The following TMEM132B variants were observed in gnomAD, a reference collection of about 807,000 sequenced individuals.
TMEM132B encodes the protein transmembrane protein 132B.
In TMEM132B, 18 loss-of-function variants were observed where a neutral mutation model predicts 90.8. The ratio of observed to expected loss-of-function variants is 0.20; its 90% CI spans 0.14 to 0.29. The LOEUF is 0.29. Among genes scored for constraint, TMEM132B ranks in the 10% least tolerant of loss-of-function variants. The pLI is 1.00. For missense variants in TMEM132B, 1,096 were observed against 1,326.8 expected (o/e 0.83, Z 2.70); for synonymous variants, 504 against 523.3 (o/e 0.96, Z 0.50).
At chr12:125,562,058 T>A (rs1884545995) in intron 4 of TMEM132B, among the ~76,000 whole-genome samples, 2 of 152,248 alleles carry the variant, frequency 1.3e-5, no homozygotes, top group Admixed American at 1.3e-4. Context: ...AGTATAGCCA[T>A]CTTCAAAGAT....
At chr12:125,591,427 A>T (rs929630820) in intron 5 of TMEM132B, among the ~76,000 whole-genome samples, 6 of 152,016 alleles carry the variant, frequency 3.9e-5, no homozygotes, top group Non-Finnish European at 5.9e-5. Context: ...TTCCATCATC[A>T]CATCGCCTTC....
chr12:125,480,064 A>G (rs1446799688), intron 3 of TMEM132B, among the ~76,000 whole-genome samples: 1 of 152,244 alleles, frequency 6.6e-6, no homozygotes, highest in East Asian at 1.9e-4. Context: ...AACTAATGAG[A>G]ATGAAGACAC....
At position 125,653,833 on chromosome 12, in the gene TMEM132B, T is replaced by G. The variant is rs754223340; in HGVS notation, c.2375T>G (p.Val792Gly). Reference protein sequence around the residue: ...VLAVGKGNVKVKFEPSSDEHQ... With the variant: ...VLAVGKGNVKGKFEPSSDEHQ... The stretch of plus-strand genomic sequence containing the variant: ...GCCGTGGGTAAAGGAAATGTCAAGG[T>G]CAAATTCGAACCAAGTAGTGATGAG... Residue 792 changes from valine to glycine, a missense_variant, in exon 9 of 9, where the codon GTC (valine) becomes GGC (glycine). By Grantham distance (109) the Val-to-Gly change is moderately radical (BLOSUM62 -3). Transcript: ENST00000682704. 29 of 1,613,796 alleles carry G rather than the reference T, an allele frequency of 1.8e-5. No homozygotes were observed. Among genetic ancestry groups the G allele is most frequent in the Non-Finnish European group, 8.5e-7 (1 of 1,180,014 alleles).
At chr12:125,495,646 T>C (rs1882542425) in intron 3 of TMEM132B, among the ~76,000 whole-genome samples, 1 of 152,232 alleles carries the variant, frequency 6.6e-6, no homozygotes, top group Admixed American at 6.5e-5. Flanking sequence ...GGAATCCTGG[T>C]TCCTGCTGGG....
At chr12:125,597,625 A>G (rs1235184695) in intron 5 of TMEM132B, among the ~76,000 whole-genome samples, 1 of 152,172 alleles carries the variant, frequency 6.6e-6, no homozygotes, top group East Asian at 1.9e-4. Context: ...TTTTTAAAGA[A>G]ATCACTCAAT....
At chr12:125,572,249 A>G (rs897927341) in intron 4 of TMEM132B, among the ~76,000 whole-genome samples, 1 of 152,342 alleles carries the variant, frequency 6.6e-6, no homozygotes, top group African/African-American at 2.4e-5. Context: ...CCCAAAATCC[A>G]TGCGTTGGAA....
rs1487656890 is a variant in TMEM132B at position 125,657,837 on chromosome 12, A to T, written c.*3127A>T. ...GTGAACTCTGTGGTCACATGAAGGGAGGTTCAGATGCTAGACGACCAGCGT... is the reference window on the plus strand; with the variant it reads ...GTGAACTCTGTGGTCACATGAAGGGTGGTTCAGATGCTAGACGACCAGCGT... On this transcript the variant is annotated 3_prime_UTR_variant, in exon 9 of 9. Transcript: ENST00000682704. 6.6e-6 allele frequency: 1 copy of T among 152,276 alleles called. No individual in the cohort carries two copies. The highest frequency in any genetic ancestry group is 1.5e-5 in the Non-Finnish European group (1 of 68,060). 9.4% of individuals were successfully genotyped at this position (152,276 alleles called of 1,614,324 possible). A position where few individuals can be genotyped will look rare whatever the true frequency, so the allele number is the denominator to read the frequency against.
intron 3 of TMEM132B, among the ~76,000 whole-genome samples, chr12:125,427,209 A>G (rs1210719776): frequency 1.3e-5 from 2 of 152,198 alleles, no homozygotes; most frequent in Non-Finnish European, 2.9e-5. Context: ...TGAGCAGTCT[A>G]TGCAAAGAGG....
chr12:125,485,432 T>A (rs1882175053), intron 3 of TMEM132B, among the ~76,000 whole-genome samples: 1 of 152,150 alleles, frequency 6.6e-6, no homozygotes. Flanking sequence ...CTACACAGTA[T>A]CACCACTATT....
chr12:125,628,988 A>G (rs1161627446), intron 5 of TMEM132B, among the ~76,000 whole-genome samples: 2 of 151,964 alleles, frequency 1.3e-5, no homozygotes, highest in African/African-American at 4.8e-5. Flanking sequence ...TGGGTCCTCT[A>G]TTCTGTTCCA....
rs760302643 is a variant in TMEM132B, at chr12:125,644,065, C to G, written c.1438-11C>G. 67 of 1,613,654 alleles carry G rather than the reference C, an allele frequency of 4.2e-5. 1 individual carries two copies. The highest frequency in any genetic ancestry group is 5.5e-5 in the Non-Finnish European group (65 of 1,179,680). On this transcript the variant is annotated splice_polypyrimidine_tract_variant and intron_variant, in intron 5 of 8. Transcript: ENST00000682704. Reference sequence around the variant, plus strand: ...ACTGATGCATCTCAAGGTTCTACCTCCTTCCCAAAGGTTTCCAACAACTGT... The same window carrying G: ...ACTGATGCATCTCAAGGTTCTACCTGCTTCCCAAAGGTTTCCAACAACTGT...
intron 1 of TMEM132B, among the ~76,000 whole-genome samples, chr12:125,313,012 C>T (rs182591952): frequency 3.2e-4 from 49 of 152,234 alleles, no homozygotes; most frequent in African/African-American, 6.7e-4. Context: ...GGATGTGGAC[C>T]GTGTGCATAA....
At chr12:125,304,706 C>CT (rs901252870) in intron 1 of TMEM132B, among the ~76,000 whole-genome samples, 1 of 152,112 alleles carries the variant, frequency 6.6e-6, no homozygotes, top group African/African-American at 2.4e-5. Flanking sequence ...TGCTGCTTGC[C>CT]TGTAGTCCCA....
rs1382496445 is a variant in TMEM132B, at chr12:125,209,483, G to A, written c.67+22617G>A. Among the ~76,000 whole-genome samples the A allele has an allele frequency of 6.6e-6, 1 of 152,236 alleles. No individual in the cohort carries two copies. The highest frequency in any genetic ancestry group is 1.5e-5 in the Non-Finnish European group (1 of 68,046). On this transcript the variant is annotated intron_variant, in intron 1 of 8. Coordinates refer to ENST00000682704, the MANE Select transcript of TMEM132B (RefSeq NM_001366854.1). The surrounding 1 kb of genome is among the most constrained non-coding windows in gnomAD (Gnocchi z 4.4). The stretch of plus-strand genomic sequence containing the variant: ...CCTGGTCACCTCAGGGGAGAAGGGT[G>A]TTGGCTCAGTCAGCCCTGCTTTGCT...
intron 5 of TMEM132B, among the ~76,000 whole-genome samples, chr12:125,626,971 T>G (rs897003377): frequency 1.3e-5 from 2 of 152,176 alleles, no homozygotes; most frequent in African/African-American, 4.8e-5. Context: ...TTGGATGCCC[T>G]TTTCCTTTTC....
intron 2 of TMEM132B, among the ~76,000 whole-genome samples, chr12:125,396,811 T>C (rs1879181503): frequency 6.6e-6 from 1 of 152,140 alleles, no homozygotes; most frequent in South Asian, 2.1e-4. Flanking sequence ...ACCTGGCCAG[T>C]ACTGTCATTA....
At chr12:125,390,993 A>T (rs756393869) in intron 2 of TMEM132B, among the ~76,000 whole-genome samples, 3 of 151,834 alleles carry the variant, frequency 2.0e-5, no homozygotes, top group Non-Finnish European at 2.9e-5. Context: ...TGCACTAAAG[A>T]GTTATTTTTT....
At chr12:125,637,640 C>G (rs996949848) in intron 5 of TMEM132B, among the ~76,000 whole-genome samples, 1 of 152,134 alleles carries the variant, frequency 6.6e-6, no homozygotes, top group Admixed American at 6.5e-5. Flanking sequence ...AAAAATGTTG[C>G]ATTTCCATCA....
At chr12:125,634,318 C>A (rs892568557) in intron 5 of TMEM132B, among the ~76,000 whole-genome samples, 1 of 152,196 alleles carries the variant, frequency 6.6e-6, no homozygotes, top group African/African-American at 2.4e-5. Context: ...ACTCACCCTG[C>A]AGGGCAGTGG....
Sources: gnomAD v4.1 joint callset for allele counts (sites outside exome capture counted in the v4.1 genomes callset) on GRCh38, gnomAD v4.1.1 for gene constraint, Gnocchi (gnomAD v3.1) non-coding constraint, MANE v1.5 for transcripts, NCBI Gene and HGNC (gene_info 2026-07-23, HGNC 2026-07-21) for gene names.